Variants in ADAM2 observed in about 807,000 individuals in gnomAD.
ADAM2 encodes disintegrin and metalloproteinase domain-containing protein 2.
Under a neutral mutation model 99.3 loss-of-function variants are expected in ADAM2, and 101 were observed. The observed-to-expected ratio is 1.02, with a 90% CI of 0.87 to 1.20. The LOEUF is 1.20. ADAM2 is among the 50% of genes most tolerant of loss of function. The pLI, the probability that ADAM2 is intolerant of heterozygous loss-of-function variation, is 0.00. For missense variants in ADAM2, 948 were observed against 878.7 expected (o/e 1.08, Z -1.00); for synonymous variants, 323 against 287.6 (o/e 1.12, Z -1.25).
At chr8:39,802,611 A>G (rs1392717744) in intron 7 of ADAM2, among the ~76,000 whole-genome samples, 1 of 152,118 alleles carries the variant, frequency 6.6e-6, no homozygotes, top group Non-Finnish European at 1.5e-5. Context: ...AACGAAAACT[A>G]CCTTTATTAC....
chr8:39,811,214 T>C (rs1427947456), intron 6 of ADAM2, among the ~76,000 whole-genome samples: 1 of 152,154 alleles, frequency 6.6e-6, no homozygotes, highest in East Asian at 1.9e-4. Context: ...CCTGGACACA[T>C]ACATCCTCCC....
At chr8:39,790,663 A>G (rs1210145177) in intron 7 of ADAM2, among the ~76,000 whole-genome samples, 1 of 151,990 alleles carries the variant, frequency 6.6e-6, no homozygotes, top group Non-Finnish European at 1.5e-5. Flanking sequence ...GGAATTTTAC[A>G]TTTCACATAG....
intron 2 of ADAM2, among the ~76,000 whole-genome samples, chr8:39,836,035 C>T (rs1805809681): frequency 6.6e-6 from 1 of 151,808 alleles, no homozygotes. Flanking sequence ...TTTTGATGAC[C>T]AGCTATTCCA....
At chr8:39,747,250 T>C (rs909726477) in intron 18 of ADAM2, among the ~76,000 whole-genome samples, 2 of 152,200 alleles carry the variant, frequency 1.3e-5, no homozygotes, top group Non-Finnish European at 2.9e-5. Context: ...ACGTACATGC[T>C]ACCTTGATCA....
intron 7 of ADAM2, among the ~76,000 whole-genome samples, chr8:39,791,927 C>G (rs1388948543): frequency 2.6e-5 from 4 of 152,044 alleles, no homozygotes; most frequent in African/African-American, 9.7e-5. Flanking sequence ...GTGTCTGCCA[C>G]CTAAAACTAG....
chr8:39,832,610 A>G (rs1337342683), intron 3 of ADAM2, among the ~76,000 whole-genome samples: 1 of 152,184 alleles, frequency 6.6e-6, no homozygotes, highest in Non-Finnish European at 1.5e-5. Flanking sequence ...TTGATATTTT[A>G]CAATAACGTT....
In ADAM2 at chr8:39,747,187, C is replaced by G. The variant is rs189750684; in HGVS notation, c.2015-556G>C. Among the ~76,000 whole-genome samples, 146 of 152,192 alleles carry G rather than the reference C, an allele frequency of 9.6e-4. 1 individual carries two copies. Among genetic ancestry groups the G allele is most frequent in the African/African-American group, 3.4e-3 (142 of 41,528 alleles). ...ATAATCCAAATAGTCCTTTTCACATCTGACTACCTTTATCAGCCTGTTTCT... is the reference window on the plus strand; with the variant it reads ...ATAATCCAAATAGTCCTTTTCACATGTGACTACCTTTATCAGCCTGTTTCT... On this transcript the variant is annotated intron_variant, in intron 18 of 20. Transcript: ENST00000265708.
chr8:39,761,251 G>C lies in ADAM2; in HGVS notation c.1538C>G (p.Ser513Cys). 1 of 1,602,716 alleles carries C rather than the reference G, an allele frequency of 6.2e-7. No individual in the cohort carries two copies. Among genetic ancestry groups the C allele is most frequent in the Non-Finnish European group, 8.5e-7 (1 of 1,173,658 alleles). The change falls in exon 15 of 21, where the codon TCT (serine) becomes TGT (cysteine). Residue 513 changes from serine to cysteine, a missense_variant. Ser to Cys is a moderately radical substitution (Grantham distance 112). Transcript: ENST00000265708. ...TACATCAGTCTTTGAATTAAGGTGA[G>C]AATAACATTCTGAAGGGCCAAACTC... is the stretch of plus-strand genomic sequence containing the variant. Reference protein sequence around the residue: ...EVEFGPSECYSHLNSKTDVSG... With the variant: ...EVEFGPSECYCHLNSKTDVSG...
chr8:39,759,207 T>C (rs1046917511), intron 15 of ADAM2, among the ~76,000 whole-genome samples: 9 of 152,090 alleles, frequency 5.9e-5, no homozygotes, highest in Admixed American at 6.5e-5. Flanking sequence ...AAATGGCATG[T>C]ACCTTTAAAA....
intron 10 of ADAM2, among the ~76,000 whole-genome samples, chr8:39,786,516 T>C (rs143371819): frequency 2.0e-5 from 3 of 152,276 alleles, no homozygotes; most frequent in Non-Finnish European, 2.9e-5. Flanking sequence ...CTCTACTAGA[T>C]AATTAATGTC....
chr8:39,813,525 G>A (rs1454139206), intron 6 of ADAM2, among the ~76,000 whole-genome samples: 1 of 152,174 alleles, frequency 6.6e-6, no homozygotes, highest in African/African-American at 2.4e-5. Context: ...CAACCCAAAT[G>A]TCCATCAATG....
intron 12 of ADAM2, among the ~76,000 whole-genome samples, chr8:39,769,018 A>G (rs1278381538): frequency 6.6e-6 from 1 of 152,214 alleles, no homozygotes; most frequent in Non-Finnish European, 1.5e-5. Flanking sequence ...ATAAAATGCT[A>G]TGGTGAGATT....
At chr8:39,766,688 G>A (rs1802578233) in intron 14 of ADAM2, among the ~76,000 whole-genome samples, 160 bp downstream of exon 14, 1 of 152,052 alleles carries the variant, frequency 6.6e-6, no homozygotes, top group Admixed American at 6.6e-5. Context: ...GATTACATGC[G>A]TGAGCCACCG....
chr8:39,763,101 G>A (rs1395425060), intron 14 of ADAM2, among the ~76,000 whole-genome samples: 1 of 152,076 alleles, frequency 6.6e-6, no homozygotes, highest in Non-Finnish European at 1.5e-5. Flanking sequence ...TATGCCCAGA[G>A]GCAGCCAATA....
At chr8:39,804,126 C>T (rs892508631) in intron 7 of ADAM2, among the ~76,000 whole-genome samples, 4 of 152,070 alleles carry the variant, frequency 2.6e-5, no homozygotes, top group Admixed American at 6.6e-5. Context: ...CTTTTATCAG[C>T]GAAATATGAG....
rs1563356938 is a variant in ADAM2, at chr8:39,786,995, G to C, written c.870C>G (p.Asn290Lys). The C allele has an allele frequency of 1.3e-6, 2 of 1,591,186 alleles. No homozygotes were observed. Among genetic ancestry groups the C allele is most frequent in the Non-Finnish European group, 1.7e-6 (2 of 1,168,792 alleles). Residue 290 changes from asparagine to lysine, a missense_variant, in exon 10 of 21, where the codon AAC (asparagine) becomes AAG (lysine). Asn to Lys is a moderately conservative substitution (Grantham distance 94). Coordinates refer to ENST00000265708, the MANE Select transcript of ADAM2 (RefSeq NM_001464.5). ...ATACCAGAACAACACCTCCTGCATA[G>C]TTTGCATCACACATCTTCCCTTGAA... is the stretch of plus-strand genomic sequence containing the variant. The part of the protein sequence containing the change: ...ATFQGKMCDA[N>K]YAGGVVLHPR...
intron 16 of ADAM2, among the ~76,000 whole-genome samples, chr8:39,750,391 A>G (rs185766740): frequency 6.6e-6 from 1 of 152,248 alleles, no homozygotes; most frequent in East Asian, 1.9e-4. Flanking sequence ...AAAAAACTCG[A>G]TATTATATGA....
intron 9 of ADAM2, among the ~76,000 whole-genome samples, chr8:39,787,546 A>C (rs139551582): frequency 0.017 from 2,104 of 124,832 alleles, 20 homozygotes; most frequent in African/African-American, 0.02. Flanking sequence ...CTCTCTCTAT[A>C]TATATATATA....
chr8:39,802,172 GT>G lies in ADAM2; in HGVS notation c.570+7237del, dbSNP rs1259222456. On this transcript the variant is annotated intron_variant, in intron 7 of 20. Transcript: ENST00000265708. ...GTTTCACAGTTCCGTGGGAAAAGCA[GT>G]TTCCCCAGCTGGGTTGTGTGCTCAC... Among the ~76,000 whole-genome samples the G allele has an allele frequency of 3.0e-3, 457 of 152,332 alleles. 3 individuals carry two copies. The highest frequency in any genetic ancestry group is 9.5e-3 in the African/African-American group (395 of 41,574).
Sources: allele counts gnomAD v4.1 joint callset (sites outside exome capture counted in the v4.1 genomes callset), GRCh38; gene constraint gnomAD v4.1.1; transcripts MANE v1.5; gene names NCBI Gene and HGNC (gene_info 2026-07-23, HGNC 2026-07-21).